The following TOX3 variants were observed in gnomAD, a reference collection of about 807,000 sequenced individuals.
The protein encoded by TOX3 is TOX high mobility group box family member 3.
TOX3 carries 22 observed loss-of-function variants against 64.3 expected under a neutral mutation model. The ratio of observed to expected loss-of-function variants is 0.34; its 90% confidence interval spans 0.24 to 0.49. The LOEUF (loss-of-function observed/expected upper bound fraction) is 0.49. Ranked by LOEUF, TOX3 falls within the 20% of genes least tolerant of loss-of-function variation. The pLI is 0.99. For missense variants in TOX3, 661 were observed against 714.4 expected (o/e 0.93, Z 0.85); for synonymous variants, 291 against 273.6 (o/e 1.06, Z -0.63).
intron 1 of TOX3, among the ~76,000 whole-genome samples, chr16:52,482,096 A>T (rs1215624936): frequency 2.0e-5 from 3 of 152,204 alleles, no homozygotes; most frequent in Non-Finnish European, 4.4e-5. Flanking sequence ...CTTAAACATA[A>T]CCATAAAATA....
chr16:52,516,329 A>G (rs1005238841), intron 1 of TOX3, among the ~76,000 whole-genome samples: 1 of 152,212 alleles, frequency 6.6e-6, no homozygotes, highest in Non-Finnish European at 1.5e-5. Flanking sequence ...TTCCCAATAT[A>G]CAGATAGACA....
At chr16:52,457,932 A>G (rs1960569216) in intron 3 of TOX3, among the ~76,000 whole-genome samples, 1 of 152,194 alleles carries the variant, frequency 6.6e-6, no homozygotes, top group African/African-American at 2.4e-5. Flanking sequence ...CCTAAAGTTA[A>G]TTAATAGTTT....
rs182194368 is a variant in TOX3, at chr16:52,500,268, T to C, written c.88-31694A>G. 3.3e-3 allele frequency among the ~76,000 whole-genome samples: 504 copies of C among 152,296 alleles called. 3 individuals carry two copies. The highest frequency in any genetic ancestry group is 0.024 in the Middle Eastern group (7 of 294). ...GTTATTAGAGGATGCAGCACTATGA[T>C]TGGAGCAAAAACCAAAGAGTATGTA... is the stretch of plus-strand genomic sequence containing the variant. On this transcript the variant is annotated intron_variant, in intron 1 of 6. Coordinates refer to ENST00000219746, the MANE Select transcript of TOX3 (RefSeq NM_001080430.4).
rs942784767 is a variant in TOX3 at position 52,513,472 on chromosome 16, A to G, written c.87+33165T>C. Among the ~76,000 whole-genome samples the G allele has an allele frequency of 1.3e-5, 2 of 152,356 alleles. 1 individual carries two copies. Among genetic ancestry groups the G allele is most frequent in the Admixed American group, 1.3e-4 (2 of 15,312 alleles). ...ATGAATTAAAATTATAGAAATCTAGATGAGATGGAAATTGAAAATACACTA... is the reference window on the plus strand; with the variant it reads ...ATGAATTAAAATTATAGAAATCTAGGTGAGATGGAAATTGAAAATACACTA... On this transcript the variant is annotated intron_variant, in intron 1 of 6. Coordinates refer to ENST00000219746, the MANE Select transcript of TOX3 (RefSeq NM_001080430.4).
At chr16:52,512,745 T>TG (rs1453923685) in intron 1 of TOX3, among the ~76,000 whole-genome samples, 1 of 152,024 alleles carries the variant, frequency 6.6e-6, no homozygotes, top group Non-Finnish European at 1.5e-5. Context: ...TACAAAGAGC[T>TG]GGGGAAAGAA....
intron 1 of TOX3, among the ~76,000 whole-genome samples, chr16:52,481,337 G>T (rs1567327614): frequency 6.6e-6 from 1 of 152,120 alleles, no homozygotes; most frequent in Non-Finnish European, 1.5e-5. Flanking sequence ...TTCCTGCTGA[G>T]AATAAGCCAA....
intron 1 of TOX3, among the ~76,000 whole-genome samples, chr16:52,490,268 G>A (rs1193997510): frequency 4.6e-5 from 7 of 151,912 alleles, no homozygotes; most frequent in African/African-American, 9.7e-5. Flanking sequence ...CTTCCCTTCC[G>A]CCTTCTGCCA....
intron 6 of TOX3, 118 bp downstream of exon 6, chr16:52,444,158 T>C: frequency 1.5e-6 from 1 of 681,600 alleles, no homozygotes; most frequent in Non-Finnish European, 2.4e-6. Context: ...AGTTTACAAG[T>C]TGTTCAAGAT....
intron 1 of TOX3, among the ~76,000 whole-genome samples, chr16:52,500,170 T>C (rs543931252): frequency 7.9e-5 from 12 of 152,350 alleles, no homozygotes; most frequent in Admixed American, 6.5e-4. Context: ...GTTTAGTCTG[T>C]AAAGGAAGTC....
Position 52,485,246 on chromosome 16 carries a change from GTATATATA to G in TOX3, c.88-16680_88-16673del, listed in dbSNP as rs34195222. On this transcript the variant is annotated intron_variant, in intron 1 of 6. Coordinates refer to ENST00000219746, the MANE Select transcript of TOX3 (RefSeq NM_001080430.4). ...CATGTGTGTGTGTGTATGTGTGTGT[GTATATATA>G]TATATATATATATATATACATATCT... Among the ~76,000 whole-genome samples the G allele has an allele frequency of 5.1e-4, 65 of 127,802 alleles. 1 individual carries two copies. The highest frequency in any genetic ancestry group is 4.2e-3 in the East Asian group (18 of 4,326). The allele number at this position is 127,802 out of a possible 152,430, so 83.8% of individuals were successfully genotyped here.
intron 6 of TOX3, 132 bp from the exon 7 acceptor site, chr16:52,440,100 T>C: frequency 1.4e-6 from 1 of 715,856 alleles, no homozygotes; most frequent in South Asian, 2.4e-5. Flanking sequence ...ATGTGTACTC[T>C]TTGTCTTGTG....
intron 1 of TOX3, among the ~76,000 whole-genome samples, chr16:52,491,119 A>G (rs570167176): frequency 6.6e-6 from 1 of 152,280 alleles, no homozygotes; most frequent in South Asian, 2.1e-4. Flanking sequence ...AGCCATTTAC[A>G]AATCAACATC....
intron 1 of TOX3, among the ~76,000 whole-genome samples, chr16:52,533,706 C>T (rs1962895416): frequency 6.6e-6 from 1 of 152,094 alleles, no homozygotes; most frequent in African/African-American, 2.4e-5. Context: ...AAATATGTAG[C>T]ATATAATAAT....
chr16:52,523,156 C>A (rs1329174729), intron 1 of TOX3, among the ~76,000 whole-genome samples: 2 of 152,174 alleles, frequency 1.3e-5, no homozygotes, highest in Admixed American at 6.5e-5. Context: ...AGAAAAGGGA[C>A]ATCTGAGGAA....
At chr16:52,519,665 G>T in intron 1 of TOX3, 2 of 1,273,728 alleles carry the variant, frequency 1.6e-6, no homozygotes, top group Non-Finnish European at 2.1e-6. Flanking sequence ...CAAGCAAGAA[G>T]TAGTAGAATG....
intron 6 of TOX3, among the ~76,000 whole-genome samples, chr16:52,442,574 T>G (rs1369379398): frequency 6.6e-6 from 1 of 152,232 alleles, no homozygotes; most frequent in East Asian, 1.9e-4. Flanking sequence ...CTCTTTAAAC[T>G]GTGGGATCCA....
At chr16:52,501,017 A>G (rs1961986169) in intron 1 of TOX3, among the ~76,000 whole-genome samples, 1 of 152,212 alleles carries the variant, frequency 6.6e-6, no homozygotes, top group African/African-American at 2.4e-5. Flanking sequence ...TTTTCATATA[A>G]ATAATACCAA....
At chr16:52,491,945 G>A (rs1354858607) in intron 1 of TOX3, among the ~76,000 whole-genome samples, 1 of 151,996 alleles carries the variant, frequency 6.6e-6, no homozygotes, top group Non-Finnish European at 1.5e-5. Context: ...AGATGAAGCT[G>A]CGCTCGGGGC....
chr16:52,510,778 A>AAAAAAAAAAAAAAAAAAAAAAG (rs574634087), intron 1 of TOX3, among the ~76,000 whole-genome samples: 1 of 115,142 alleles, frequency 8.7e-6, no homozygotes, highest in Non-Finnish European at 1.7e-5. Flanking sequence ...AAAAAAAAAA[A>AAAAAAAAAAAAAAAAAAAAAAG]AAGAAGAAGA....
Sources: allele counts gnomAD v4.1 joint callset (sites outside exome capture counted in the v4.1 genomes callset), GRCh38; gene constraint gnomAD v4.1.1; transcripts MANE v1.5; gene names NCBI Gene and HGNC (gene_info 2026-07-23, HGNC 2026-07-21).